LHFPL3: variants seen among roughly 807,000 people sequenced by gnomAD.
LHFPL3 encodes LHFPL tetraspan subfamily member 3 protein.
Under a neutral mutation model 19.3 loss-of-function variants are expected in LHFPL3, and 5 were observed. The ratio of observed to expected loss-of-function variants is 0.26; its 90% confidence interval spans 0.14 to 0.54. The LOEUF is 0.54. Ranked by LOEUF, LHFPL3 falls within the 20% of genes least tolerant of loss-of-function variation. The pLI is 0.94. For synonymous variants in LHFPL3, 133 were observed against 126.2 expected, an observed-to-expected ratio of 1.05 and a Z score of -0.36; for missense variants, 249 against 307.4, an observed-to-expected ratio of 0.81 and a Z score of 1.42.
At chr7:104,331,112 A>G (rs532791796) in intron 1 of LHFPL3, among the ~76,000 whole-genome samples, 1 of 152,366 alleles carries the variant, frequency 6.6e-6, no homozygotes, top group Non-Finnish European at 1.5e-5. Flanking sequence ...TCTTTGAGAA[A>G]GAAATACCAG....
At chr7:104,846,264 C>A (rs1220430241) in intron 2 of LHFPL3, among the ~76,000 whole-genome samples, 1 of 152,158 alleles carries the variant, frequency 6.6e-6, no homozygotes, top group Non-Finnish European at 1.5e-5. Flanking sequence ...AACAGCGTAC[C>A]TGGAACATTT....
At chr7:104,489,792 C>T (rs907936063) in intron 1 of LHFPL3, among the ~76,000 whole-genome samples, 2 of 152,068 alleles carry the variant, frequency 1.3e-5, no homozygotes, top group African/African-American at 4.8e-5. Flanking sequence ...GAAGATTTGG[C>T]TTTCTGATTC....
chr7:104,518,193 T>C (rs1329349595), intron 1 of LHFPL3, among the ~76,000 whole-genome samples: 1 of 152,196 alleles, frequency 6.6e-6, no homozygotes, highest in Non-Finnish European at 1.5e-5. Context: ...TTTGTTTTGA[T>C]CATTTGTATA....
chr7:104,448,485 GTAAA>G (rs1301316570), intron 1 of LHFPL3, among the ~76,000 whole-genome samples: 1 of 152,156 alleles, frequency 6.6e-6, no homozygotes, highest in Non-Finnish European at 1.5e-5. Context: ...AGTTCATCAA[GTAAA>G]TAGTGATTTA....
chr7:104,861,556 A>G (rs1440062063), intron 2 of LHFPL3, among the ~76,000 whole-genome samples: 1 of 152,166 alleles, frequency 6.6e-6, no homozygotes, highest in Non-Finnish European at 1.5e-5. Context: ...GAGAGCTGTT[A>G]TCTAATGCTG....
chr7:104,722,668 C>T (rs1793510361), intron 1 of LHFPL3, among the ~76,000 whole-genome samples: 1 of 152,144 alleles, frequency 6.6e-6, no homozygotes, highest in Non-Finnish European at 1.5e-5. Context: ...AGGAATGAGC[C>T]TTCTATCTCT....
intron 2 of LHFPL3, among the ~76,000 whole-genome samples, chr7:104,867,619 A>T (rs1310194041): frequency 6.6e-6 from 1 of 152,228 alleles, no homozygotes; most frequent in Non-Finnish European, 1.5e-5. Context: ...CCAGGACCAG[A>T]TGGAGTCACA....
At position 104,413,231 on chromosome 7, in the gene LHFPL3, T is replaced by C. The variant is rs75404964; in HGVS notation, c.445+84007T>C. On this transcript the variant is annotated intron_variant, in intron 1 of 2. Transcript: ENST00000424859. ...CCCAGGTAGTGTTGACCTGCTTCTT[T>C]CCTGAAATGAATTTGATGTTGTTAA... Among the ~76,000 whole-genome samples, 1,432 of 152,254 alleles carry C rather than the reference T, an allele frequency of 9.4e-3. 78 individuals are homozygous for C. In the East Asian group the frequency reaches 0.16, roughly 17 times the overall value.
At chr7:104,619,038 A>G (rs1791397724) in intron 1 of LHFPL3, among the ~76,000 whole-genome samples, 1 of 152,214 alleles carries the variant, frequency 6.6e-6, no homozygotes, top group African/African-American at 2.4e-5. Context: ...TTGTATCAGG[A>G]GCATTTCTCT....
chr7:104,426,166 T>C (rs1049672769), intron 1 of LHFPL3, among the ~76,000 whole-genome samples: 2 of 152,256 alleles, frequency 1.3e-5, no homozygotes, highest in Non-Finnish European at 2.9e-5. Context: ...ATTTTAACTT[T>C]CCTTGCTTGA....
intron 1 of LHFPL3, among the ~76,000 whole-genome samples, chr7:104,368,784 C>A (rs1249648183): frequency 6.6e-6 from 1 of 152,132 alleles, no homozygotes; most frequent in East Asian, 1.9e-4. Context: ...GAGGCATGGC[C>A]AGATTGTTCT....
At chr7:104,768,765 A>C (rs1427128189) in intron 2 of LHFPL3, 1 of 152,218 alleles carries the variant, frequency 6.6e-6, no homozygotes, top group Non-Finnish European at 1.5e-5. Flanking sequence ...ATCGGAATGA[A>C]ACAGCCCTCT....
At chr7:104,488,465 GGT>G (rs1793277873) in intron 1 of LHFPL3, among the ~76,000 whole-genome samples, 1 of 151,948 alleles carries the variant, frequency 6.6e-6, no homozygotes, top group Non-Finnish European at 1.5e-5. Flanking sequence ...CTTTTTATCT[GGT>G]CCACTTGATT....
intron 1 of LHFPL3, among the ~76,000 whole-genome samples, chr7:104,461,726 T>A (rs1476080020): frequency 6.6e-6 from 1 of 152,100 alleles, no homozygotes; most frequent in African/African-American, 2.4e-5. Context: ...TGTTCTTGGT[T>A]ATTTGGGCTC....
chr7:104,331,729 C>T (rs1051137967), intron 1 of LHFPL3, among the ~76,000 whole-genome samples: 1 of 152,076 alleles, frequency 6.6e-6, no homozygotes, highest in Non-Finnish European at 1.5e-5. Flanking sequence ...GTAGGTGGAT[C>T]ATTTGAGGTC....
chr7:104,523,353 T>C (rs929043381), intron 1 of LHFPL3, among the ~76,000 whole-genome samples: 1 of 152,176 alleles, frequency 6.6e-6, no homozygotes, highest in Non-Finnish European at 1.5e-5. Flanking sequence ...AAGAGTGTTT[T>C]CAAACCCCTT....
chr7:104,398,721 T>C (rs1400281795), intron 1 of LHFPL3, among the ~76,000 whole-genome samples: 1 of 152,184 alleles, frequency 6.6e-6, no homozygotes, highest in East Asian at 1.9e-4. Flanking sequence ...TCTCACCTTA[T>C]TATGGTTTAG....
intron 2 of LHFPL3, among the ~76,000 whole-genome samples, chr7:104,765,962 TG>T (rs1408114689): frequency 6.6e-6 from 1 of 152,228 alleles, no homozygotes; most frequent in Admixed American, 6.5e-5. Context: ...ACCACTACTA[TG>T]GAATAGTTTT....
chr7:104,492,851 C>T (rs1793384585), intron 1 of LHFPL3, among the ~76,000 whole-genome samples: 1 of 152,030 alleles, frequency 6.6e-6, no homozygotes, highest in Admixed American at 6.6e-5. Flanking sequence ...ATCTTTGATC[C>T]CACTCGTTCC....
Sources: allele counts gnomAD v4.1 joint callset (sites outside exome capture counted in the v4.1 genomes callset), GRCh38; gene constraint gnomAD v4.1.1; transcripts MANE v1.5; gene names NCBI Gene and HGNC (gene_info 2026-07-23, HGNC 2026-07-21).